Variants in BRF1 observed in about 807,000 individuals in gnomAD.
BRF1 encodes the protein transcription factor IIIB 90 kDa subunit.
Under a neutral mutation model 81.7 loss-of-function variants are expected in BRF1, and 59 were observed. The observed-to-expected ratio is 0.72, with a 90% CI of 0.59 to 0.90. BRF1 has a LOEUF of 0.90. BRF1 is among the 40% of genes least tolerant of loss of function. The probability of loss-of-function intolerance (pLI) is 0.00; values close to 1 mark genes in which losing one functional copy is unlikely to be tolerated. For synonymous variants in BRF1, 491 were observed against 395.6 expected, an observed-to-expected ratio of 1.24 and a Z score of -2.86; for missense variants, 1,050 against 936.3, an observed-to-expected ratio of 1.12 and a Z score of -1.58.
intron 5 of BRF1, among the ~76,000 whole-genome samples, chr14:105,243,305 C>T (rs762282059): frequency 6.9e-6 from 1 of 144,492 alleles, no homozygotes; most frequent in Non-Finnish European, 1.5e-5. Flanking sequence ...AAAAAATTAG[C>T]CGGGTGTGGT....
At chr14:105,278,733 C>T (rs993368506) in intron 2 of BRF1, among the ~76,000 whole-genome samples, 1 of 151,796 alleles carries the variant, frequency 6.6e-6, no homozygotes, top group Non-Finnish European at 1.5e-5. Context: ...TGGTGAGACC[C>T]CCATCTCTAT....
chr14:105,268,489 G>A (rs1404979046), intron 3 of BRF1, among the ~76,000 whole-genome samples: 2 of 152,276 alleles, frequency 1.3e-5, no homozygotes, highest in Non-Finnish European at 2.9e-5. Context: ...AAGAGAGGAG[G>A]TGTGTGTGCA....
chr14:105,297,865 G>A (rs1402326731), intron 1 of BRF1, among the ~76,000 whole-genome samples: 14 of 152,118 alleles, frequency 9.2e-5, no homozygotes, highest in African/African-American at 2.9e-4. Context: ...GCGTGGTGGC[G>A]GTCGCCTGTA....
At chr14:105,287,562 G>A (rs991745219) in intron 1 of BRF1, among the ~76,000 whole-genome samples, 6 of 152,146 alleles carry the variant, frequency 3.9e-5, no homozygotes, top group East Asian at 1.9e-4. Context: ...AGGGCCTGTC[G>A]GAGGACACTG....
intron 1 of BRF1, among the ~76,000 whole-genome samples, chr14:105,292,780 C>T (rs587682498): frequency 1.1e-3 from 172 of 152,112 alleles, no homozygotes; most frequent in Non-Finnish European, 1.3e-3. Context: ...GGCGCAGACC[C>T]TTCCCATGCG....
In BRF1 at chr14:105,241,442, C is replaced by G; in HGVS notation, c.545-28G>C. On this transcript the variant is annotated intron_variant, in intron 5 of 17. Transcript: ENST00000547530. ...GCGGCAGACACAGCACCTCAGTGCCCACCTCCATGTGCCATGGCACGTGCA... is the reference window on the plus strand; with the variant it reads ...GCGGCAGACACAGCACCTCAGTGCCGACCTCCATGTGCCATGGCACGTGCA... 3 of 1,607,630 alleles carry G rather than the reference C, an allele frequency of 1.9e-6. 1 individual carries two copies. The highest frequency in any genetic ancestry group is 8.5e-7 in the Non-Finnish European group (1 of 1,179,698).
chr14:105,246,930 C>G (rs2055158919), intron 5 of BRF1: 1 of 985,338 alleles, frequency 1.0e-6, no homozygotes, highest in African/African-American at 1.7e-5. Flanking sequence ...GTCTTGTGTG[C>G]TGCTGTAAGT....
chr14:105,215,992 A>AGG lies in BRF1; in HGVS notation c.1772+1551_1772+1552insCC. 3.6e-5 allele frequency among the ~76,000 whole-genome samples: 5 copies of AGG among 140,808 alleles called. 2 individuals carry two copies. The highest frequency in any genetic ancestry group is 1.4e-4 in the African/African-American group (5 of 34,544). 92.4% of individuals were successfully genotyped at this position (140,808 alleles called of 152,430 possible). A position where few individuals can be genotyped will look rare whatever the true frequency, so the allele number is the denominator to read the frequency against. On this transcript the variant is annotated intron_variant, in intron 15 of 17. Transcript: ENST00000547530. ...GCACACACACTGCATACACAGGCGC[A>AGG]CACACACATGCACACACACGCTGCA...
Position 105,290,670 on chromosome 14 carries a change from A to G in BRF1, c.185-4294T>C, listed in dbSNP as rs137978388. ...GCACCACAGCACACTGCAAAGCTGC[A>G]TGCGTCAGCAGCTCCACGCTCCACC... On this transcript the variant is annotated intron_variant, in intron 1 of 17. Coordinates refer to ENST00000547530, the MANE Select transcript of BRF1 (RefSeq NM_001519.4). 5.3e-4 allele frequency among the ~76,000 whole-genome samples: 80 copies of G among 152,200 alleles called. 1 individual carries two copies. Among genetic ancestry groups the G allele is most frequent in the Admixed American group, 8.5e-4 (13 of 15,282 alleles).
chr14:105,209,734 T>G lies in BRF1; in HGVS notation c.*817A>C. 1.6e-6 allele frequency: 1 copy of G among 608,322 alleles called. No individual in the cohort carries two copies. Among genetic ancestry groups the G allele is most frequent in the African/African-American group, 1.8e-5 (1 of 54,356 alleles). The allele number at this position is 608,322 out of a possible 1,614,324, so 37.7% of individuals were successfully genotyped here. On this transcript the variant is annotated 3_prime_UTR_variant, in exon 18 of 18. Transcript: ENST00000547530. ...GGGAACTCCCAGCGCCAGGACACTA[T>G]GCAGGCTATGCCCGCACTGCCTACA...
At chr14:105,290,064 T>G (rs587605507) in intron 1 of BRF1, among the ~76,000 whole-genome samples, 96 of 152,346 alleles carry the variant, frequency 6.3e-4, no homozygotes, top group Non-Finnish European at 1.1e-3. Flanking sequence ...CTAATTAGTG[T>G]ATATAATGCT....
chr14:105,229,105 G>A (rs1419521830), intron 6 of BRF1, among the ~76,000 whole-genome samples, 192 bp from the exon 7 acceptor site: 1 of 152,202 alleles, frequency 6.6e-6, no homozygotes, highest in East Asian at 1.9e-4. Flanking sequence ...CTTATTGTGG[G>A]TGGCGGCTGC....
At chr14:105,244,821 A>G (rs587716359) in intron 5 of BRF1, among the ~76,000 whole-genome samples, 14 of 152,282 alleles carry the variant, frequency 9.2e-5, no homozygotes, top group Admixed American at 3.3e-4. Context: ...TCTGTACCCC[A>G]TGGAGTCATC....
chr14:105,265,644 C>T (rs1293449488), intron 3 of BRF1, among the ~76,000 whole-genome samples: 6 of 152,100 alleles, frequency 3.9e-5, no homozygotes, highest in Non-Finnish European at 5.9e-5. Context: ...CACCTGTAAT[C>T]CCAGCAGTAT....
intron 12 of BRF1, 187 bp downstream of exon 12, chr14:105,219,882 G>A (rs1027619367): frequency 9.6e-5 from 63 of 658,810 alleles, no homozygotes; most frequent in East Asian, 9.1e-4. Context: ...CCCCCGAGCC[G>A]ACACTGGAGA....
chr14:105,222,920 G>A (rs933458690), intron 10 of BRF1, among the ~76,000 whole-genome samples: 6 of 152,162 alleles, frequency 3.9e-5, no homozygotes, highest in Non-Finnish European at 8.8e-5. Flanking sequence ...GAGGCTCTGC[G>A]CCTGGCTGAC....
chr14:105,221,532 G>A (rs1595281206), intron 11 of BRF1, 116 bp downstream of exon 11: 10 of 1,425,906 alleles, frequency 7.0e-6, no homozygotes, highest in South Asian at 2.8e-5. Context: ...CCCACCGCCC[G>A]AGACCACCAC....
intron 16 of BRF1, chr14:105,211,508 G>A (rs756757166): frequency 1.1e-5 from 6 of 555,312 alleles, no homozygotes; most frequent in Non-Finnish European, 1.9e-5. Flanking sequence ...CCACCCTCAG[G>A]CCTCTGCCAG....
At chr14:105,303,998 T>C (rs1315310706), upstream of BRF1, among the ~76,000 whole-genome samples, 2 of 152,236 alleles carry the variant, frequency 1.3e-5, no homozygotes, top group African/African-American at 2.4e-5. Flanking sequence ...TGCTCTCACC[T>C]GACAGACTAG....
Sources: gnomAD v4.1 joint callset for allele counts (sites outside exome capture counted in the v4.1 genomes callset) on GRCh38, gnomAD v4.1.1 for gene constraint, MANE v1.5 for transcripts, NCBI Gene and HGNC (gene_info 2026-07-23, HGNC 2026-07-21) for gene names.